The following MSI2 variants were observed in gnomAD, a reference collection of about 807,000 sequenced individuals.
MSI2 encodes the protein RNA-binding protein Musashi homolog 2.
Under a neutral mutation model 45.6 loss-of-function variants are expected in MSI2, and 17 were observed. That is an observed-to-expected ratio of 0.37 (90% CI 0.26 to 0.56). The LOEUF is 0.56. MSI2 is among the 20% of genes least tolerant of loss of function. The probability of loss-of-function intolerance (pLI) is 0.77; values close to 1 mark genes in which losing one functional copy is unlikely to be tolerated. For synonymous variants in MSI2, 156 were observed against 158.2 expected (o/e 0.99, Z 0.11); for missense variants, 293 against 444.2 (o/e 0.66, Z 3.06).
intron 5 of MSI2, among the ~76,000 whole-genome samples, chr17:57,306,652 G>A (rs1166713616): frequency 6.6e-6 from 1 of 152,228 alleles, no homozygotes. Context: ...CCTGGTGACA[G>A]TTAGATGTGT....
intron 5 of MSI2, among the ~76,000 whole-genome samples, chr17:57,321,646 A>C (rs116558500): frequency 0.015 from 2,338 of 152,176 alleles, 63 homozygotes; most frequent in African/African-American, 0.052. Context: ...TGGGCTAAAG[A>C]GGTGCCTGGG....
the MSI2 span, among the ~76,000 whole-genome samples, chr17:57,697,310 C>G: frequency 1.3e-5 from 2 of 151,998 alleles, no homozygotes; most frequent in Non-Finnish European, 2.9e-5. Flanking sequence ...CATGGACCCA[C>G]TCACACTCAC....
intron 7 of MSI2, among the ~76,000 whole-genome samples, chr17:57,565,265 C>T (rs1288808557): frequency 2.0e-5 from 3 of 152,200 alleles, no homozygotes; most frequent in African/African-American, 7.2e-5. Flanking sequence ...GCTGGATTTC[C>T]CATTTTTCTG....
chr17:57,451,110 G>A (rs1314680922), intron 6 of MSI2, among the ~76,000 whole-genome samples: 3 of 152,148 alleles, frequency 2.0e-5, no homozygotes, highest in African/African-American at 7.2e-5. Context: ...AGTATCCAGA[G>A]GAGCAAAGTG....
the MSI2 span, among the ~76,000 whole-genome samples, chr17:57,695,495 AT>A: frequency 6.6e-6 from 1 of 152,208 alleles, no homozygotes; most frequent in South Asian, 2.1e-4. Flanking sequence ...GCACAGCCCG[AT>A]GCAGTGAGAC....
Position 57,570,714 on chromosome 17 carries a change from G to A in MSI2, c.455-26154G>A, listed in dbSNP as rs146200051. On this transcript the variant is annotated intron_variant, in intron 7 of 13. Coordinates refer to ENST00000284073, the MANE Select transcript of MSI2 (RefSeq NM_138962.4). ...AAAAACAACCTATTTGAGACAAAGT[G>A]GGAGGCCCAGCATGGCGCCCACTGC... is the stretch of plus-strand genomic sequence containing the variant. 2.6e-5 allele frequency among the ~76,000 whole-genome samples: 4 copies of A among 152,350 alleles called. No individual in the cohort carries two copies. The East Asian group carries it at 7.7e-4, about 29-fold the overall frequency.
chr17:57,609,333 C>T (rs1317778272), intron 8 of MSI2, among the ~76,000 whole-genome samples: 1 of 152,206 alleles, frequency 6.6e-6, no homozygotes, highest in Non-Finnish European at 1.5e-5. Flanking sequence ...GAGCCCTTTC[C>T]TCCCTCTGCT....
intron 4 of MSI2, among the ~76,000 whole-genome samples, chr17:57,259,814 A>G (rs779042847): frequency 1.3e-5 from 2 of 152,212 alleles, no homozygotes; most frequent in Non-Finnish European, 2.9e-5. Context: ...CCCTCTTGCT[A>G]CCTGGGTGGG....
rs75202252 is a variant in MSI2, at chr17:57,295,668, T to C, written c.312+33476T>C. ...TCTAGCCAATGTTTTATTGCTGATATGAATCACTGAGGGGCTTGGAGGGAG... is the reference window on the plus strand; with the variant it reads ...TCTAGCCAATGTTTTATTGCTGATACGAATCACTGAGGGGCTTGGAGGGAG... On this transcript the variant is annotated intron_variant, in intron 5 of 13. Transcript: ENST00000284073. Among the ~76,000 whole-genome samples, 787 of 152,318 alleles carry C rather than the reference T, an allele frequency of 5.2e-3. 8 individuals are homozygous for C. The highest frequency in any genetic ancestry group is 6.6e-3 in the Non-Finnish European group (446 of 68,030).
intron 6 of MSI2, among the ~76,000 whole-genome samples, chr17:57,445,434 T>G (rs1038086668): frequency 2.6e-5 from 4 of 152,186 alleles, no homozygotes; most frequent in African/African-American, 9.7e-5. Flanking sequence ...AATTTCAATT[T>G]CCTGGGACTT....
intron 6 of MSI2, among the ~76,000 whole-genome samples, chr17:57,472,109 C>T (rs1378867926): frequency 2.6e-5 from 4 of 152,066 alleles, no homozygotes; most frequent in Admixed American, 1.3e-4. Flanking sequence ...GAGTTGCTGC[C>T]GGTTCCTGCC....
At chr17:57,483,505 C>T (rs546789151) in intron 6 of MSI2, among the ~76,000 whole-genome samples, 77 of 152,228 alleles carry the variant, frequency 5.1e-4, no homozygotes, top group African/African-American at 1.7e-3. Context: ...GGCTGTTTTG[C>T]GGGGCCACGC....
intron 5 of MSI2, among the ~76,000 whole-genome samples, chr17:57,350,063 A>G (rs1915891783): frequency 6.6e-6 from 1 of 152,208 alleles, no homozygotes; most frequent in South Asian, 2.1e-4. Context: ...TGTGTGAATT[A>G]TAAATGAACC....
At position 57,680,777 on chromosome 17, in the gene MSI2, C is replaced by T. The variant is rs1913550661; in HGVS notation, c.*1260C>T. The T allele has an allele frequency of 9.7e-6, 2 of 207,134 alleles. No homozygotes were observed. The highest frequency in any genetic ancestry group is 2.0e-5 in the Non-Finnish European group (2 of 101,822). The allele number at this position is 207,134 out of a possible 1,614,324, so 12.8% of individuals were successfully genotyped here. A position where few individuals can be genotyped will look rare whatever the true frequency, so the allele number is the denominator to read the frequency against. ...TTGGGTGGGGGTGGGGTGGGGGGGA[C>T]ATTCTTTTTCAGTCTTAATTTTTAA... On this transcript the variant is annotated 3_prime_UTR_variant, in exon 14 of 14. Transcript: ENST00000284073.
intron 4 of MSI2, among the ~76,000 whole-genome samples, chr17:57,258,903 T>C (rs1907062672): frequency 6.6e-6 from 1 of 152,048 alleles, no homozygotes; most frequent in South Asian, 2.1e-4. Flanking sequence ...TGACTCCAGA[T>C]GGCATGAAAT....
chr17:57,325,159 A>C (rs1387027630), intron 5 of MSI2, among the ~76,000 whole-genome samples: 1 of 152,208 alleles, frequency 6.6e-6, no homozygotes, highest in South Asian at 2.1e-4. Flanking sequence ...AGAACAAAAT[A>C]ATGTCTTTTG....
chr17:57,531,915 A>C (rs976359731), intron 7 of MSI2: 2 of 152,222 alleles, frequency 1.3e-5, no homozygotes, highest in African/African-American at 4.8e-5. Flanking sequence ...AAAGGGAGAA[A>C]GGAAAGTGCT....
rs1181852667 is a variant in MSI2, at chr17:57,568,861, G to A, written c.455-28007G>A. ...CAGGGGGCTGGAGCACTGTGGTGGT[G>A]TTTATTGGTGAGAGAGGAAAGGTTA... On this transcript the variant is annotated intron_variant, in intron 7 of 13. Coordinates refer to ENST00000284073, the MANE Select transcript of MSI2 (RefSeq NM_138962.4). 2.6e-5 allele frequency among the ~76,000 whole-genome samples: 4 copies of A among 152,190 alleles called. No homozygotes were observed. The East Asian group carries it at 5.8e-4, about 22-fold the overall frequency.
intron 11 of MSI2, among the ~76,000 whole-genome samples, chr17:57,670,870 C>G (rs1478797622): frequency 6.6e-6 from 1 of 152,174 alleles, no homozygotes. Flanking sequence ...AGAGCTCTGT[C>G]TCTTTTTCAT....
Sources: gnomAD v4.1 joint callset for allele counts (sites outside exome capture counted in the v4.1 genomes callset) on GRCh38, gnomAD v4.1.1 for gene constraint, MANE v1.5 for transcripts, NCBI Gene and HGNC (gene_info 2026-07-23, HGNC 2026-07-21) for gene names.